The following FABP12 variants were observed in gnomAD, a reference collection of about 807,000 sequenced individuals.
FABP12 encodes the protein fatty acid-binding protein 12.
A neutral mutation model predicts 13.7 loss-of-function variants in FABP12; 19 were observed. The ratio of observed to expected loss-of-function variants is 1.39; its 90% CI spans 0.97 to 2.04. The LOEUF (loss-of-function observed/expected upper bound fraction) is 2.04, where lower values mean the gene tolerates loss of function less well. Ranked by LOEUF, FABP12 falls within the 30% of genes most tolerant of loss-of-function variation. FABP12 has a pLI of 0.00. For synonymous variants in FABP12, 61 were observed against 57.0 expected (o/e 1.07, Z -0.32); for missense variants, 182 against 164.2 (o/e 1.11, Z -0.59).
intron 1 of FABP12, among the ~76,000 whole-genome samples, chr8:81,576,617 T>C (rs1810051614): frequency 6.6e-6 from 1 of 152,172 alleles, no homozygotes; most frequent in Non-Finnish European, 1.5e-5. Context: ...CATCACTCCA[T>C]AAATACATAA....
upstream of FABP12, among the ~76,000 whole-genome samples, chr8:81,538,380 G>A (rs972322983): frequency 3.3e-5 from 5 of 152,204 alleles, no homozygotes; most frequent in Non-Finnish European, 7.3e-5. Context: ...TTAATCCCCA[G>A]TACACTTGTA....
chr8:81,578,518 C>A (rs1461918901), intron 1 of FABP12, among the ~76,000 whole-genome samples: 1 of 148,806 alleles, frequency 6.7e-6, no homozygotes, highest in Non-Finnish European at 1.5e-5. Context: ...CAGAGTCTTG[C>A]TCTGTCGCCC....
intron 1 of FABP12, among the ~76,000 whole-genome samples, chr8:81,581,690 GAA>G (rs1424980463): frequency 6.6e-6 from 1 of 152,144 alleles, no homozygotes; most frequent in African/African-American, 2.4e-5. Flanking sequence ...AATGCTGAAA[GAA>G]AAAGAGTTAG....
chr8:81,528,571 T>C (rs970634850), intron 3 of FABP12, among the ~76,000 whole-genome samples: 5 of 152,178 alleles, frequency 3.3e-5, no homozygotes, highest in Non-Finnish European at 5.9e-5. Flanking sequence ...AATCCTCTAT[T>C]GAGTTCATTC....
upstream of FABP12, among the ~76,000 whole-genome samples, chr8:81,538,184 C>G (rs1043024660): frequency 6.6e-6 from 1 of 152,086 alleles, no homozygotes; most frequent in Non-Finnish European, 1.5e-5. Flanking sequence ...CTCATTATTA[C>G]GAGGGCAGCA....
At chr8:81,539,922 A>T (rs1237023429) in intron 1 of FABP12, among the ~76,000 whole-genome samples, 1 of 152,212 alleles carries the variant, frequency 6.6e-6, no homozygotes, top group Non-Finnish European at 1.5e-5. Context: ...CTTTAATCAG[A>T]TTATTGCAGA....
At chr8:81,581,857 T>C (rs113296536) in intron 1 of FABP12, among the ~76,000 whole-genome samples, 21 of 152,172 alleles carry the variant, frequency 1.4e-4, no homozygotes, top group African/African-American at 4.8e-4. Context: ...AACAGCAGTA[T>C]CTACCATCAT....
intron 1 of FABP12, among the ~76,000 whole-genome samples, chr8:81,584,478 A>T (rs1810212545): frequency 6.6e-6 from 1 of 152,186 alleles, no homozygotes; most frequent in African/African-American, 2.4e-5. Context: ...ACAACAGGCA[A>T]ATCCCACAGT....
At chr8:81,564,928 T>C (rs1462896310) in intron 1 of FABP12, among the ~76,000 whole-genome samples, 1 of 151,968 alleles carries the variant, frequency 6.6e-6, no homozygotes, top group Non-Finnish European at 1.5e-5. Flanking sequence ...AATGATCTAT[T>C]GCCTACAAGA....
At chr8:81,558,363 A>AT (rs1243396686) in intron 1 of FABP12, among the ~76,000 whole-genome samples, 7 of 152,120 alleles carry the variant, frequency 4.6e-5, no homozygotes, top group Non-Finnish European at 1.0e-4. Flanking sequence ...ATTTTGAGCA[A>AT]TTTGCAGGTC....
intron 1 of FABP12, among the ~76,000 whole-genome samples, chr8:81,567,654 A>G (rs1053310484): frequency 6.6e-6 from 1 of 152,222 alleles, no homozygotes; most frequent in African/African-American, 2.4e-5. Context: ...ACAAAATTCA[A>G]ATCAAAATGG....
upstream of FABP12, among the ~76,000 whole-genome samples, chr8:81,536,827 C>A (rs145329723): frequency 5.7e-3 from 868 of 152,222 alleles, 12 homozygotes; most frequent in African/African-American, 0.02. Flanking sequence ...AGAACACAAC[C>A]ACACTTATTC....
intron 1 of FABP12, among the ~76,000 whole-genome samples, chr8:81,577,787 GTCTT>G (rs1810077842): frequency 6.6e-6 from 1 of 152,028 alleles, no homozygotes; most frequent in Admixed American, 6.5e-5. Context: ...AATAAATGAG[GTCTT>G]TCAGGGACAC....
chr8:81,560,780 A>G (rs555180526), intron 1 of FABP12, among the ~76,000 whole-genome samples: 1 of 152,234 alleles, frequency 6.6e-6, no homozygotes, highest in Non-Finnish European at 1.5e-5. Flanking sequence ...CCAGGAGCAC[A>G]CAAGCTGGTA....
intron 4 of FABP12, 42 bp downstream of exon 4, chr8:81,526,978 C>T (rs746307941): frequency 1.1e-5 from 12 of 1,112,178 alleles, no homozygotes; most frequent in South Asian, 1.4e-5. Flanking sequence ...TTATATTAGT[C>T]GTTGCAGAAG....
intron 4 of FABP12, among the ~76,000 whole-genome samples, chr8:81,525,492 G>C (rs1449906801): frequency 6.7e-6 from 1 of 148,348 alleles, no homozygotes; most frequent in African/African-American, 2.5e-5. Context: ...CTCCAGCCTG[G>C]ATGACAGAGT....
intron 1 of FABP12, among the ~76,000 whole-genome samples, chr8:81,556,694 A>T (rs1384604431): frequency 6.7e-6 from 1 of 148,872 alleles, no homozygotes; most frequent in Non-Finnish European, 1.5e-5. Context: ...AACATCACAC[A>T]TATGTGGCTA....
intron 1 of FABP12, among the ~76,000 whole-genome samples, chr8:81,554,914 A>G (rs1563550736): frequency 6.6e-6 from 1 of 152,176 alleles, no homozygotes; most frequent in Non-Finnish European, 1.5e-5. Flanking sequence ...CAGGTGGGCC[A>G]CAGGTTGAAC....
At chr8:81,526,958 A>C in intron 4 of FABP12, 62 bp downstream of exon 4, 1 of 929,418 alleles carries the variant, frequency 1.1e-6, no homozygotes, top group African/African-American at 1.7e-5. Flanking sequence ...TTTGAGAACA[A>C]GTTGTGATTT....
Sources: allele counts gnomAD v4.1 joint callset (sites outside exome capture counted in the v4.1 genomes callset), GRCh38; gene constraint gnomAD v4.1.1; transcripts MANE v1.5; gene names NCBI Gene and HGNC (gene_info 2026-07-23, HGNC 2026-07-21).